PPAT: variants seen among roughly 807,000 people sequenced by gnomAD.
PPAT encodes phosphoribosyl pyrophosphate amidotransferase.
A neutral mutation model predicts 60.2 loss-of-function variants in PPAT; 20 were observed. The ratio of observed to expected loss-of-function variants is 0.33; its 90% CI spans 0.23 to 0.48. PPAT has a LOEUF of 0.48. Ranked by LOEUF, PPAT falls within the 20% of genes least tolerant of loss-of-function variation. PPAT has a pLI of 0.99. For synonymous variants in PPAT, 194 were observed against 215.1 expected (o/e 0.90, Z 0.86); for missense variants, 349 against 629.6 (o/e 0.55, Z 4.77).
intron 1 of PPAT, chr4:56,411,010 T>G: frequency 1.4e-6 from 1 of 705,338 alleles, no homozygotes. Context: ...ATGATAAATA[T>G]AGACTGAAAT....
At chr4:56,418,228 G>C (rs561294856) in intron 1 of PPAT, among the ~76,000 whole-genome samples, 3 of 152,244 alleles carry the variant, frequency 2.0e-5, no homozygotes, top group South Asian at 4.1e-4. Flanking sequence ...ACTTGAACCT[G>C]GGAGGTTCAG....
At position 56,403,124 on chromosome 4, in the gene PPAT, C is replaced by T. The variant is rs1438419282; in HGVS notation, c.577G>A (p.Val193Ile). ...TAAGGATCTCGTACTGCATAAATAACATCTCTGTGCATTATAAGCAGGGAG... is the reference window on the plus strand; with the variant it reads ...TAAGGATCTCGTACTGCATAAATAATATCTCTGTGCATTATAAGCAGGGAG... ...AYSLLIMHRD[V>I]IYAVRDPYGN... The change falls in exon 5 of 11, where the codon GTT becomes ATT. Residue 193 changes from valine to isoleucine, a missense_variant. By Grantham distance (29) the Val-to-Ile change is conservative. Coordinates refer to ENST00000264220, the MANE Select transcript of PPAT (RefSeq NM_002703.5). 2 of 1,612,100 alleles carry T rather than the reference C, an allele frequency of 1.2e-6. No individual in the cohort carries two copies. Among genetic ancestry groups the T allele is most frequent in the African/African-American group, 1.3e-5 (1 of 74,970 alleles).
At chr4:56,410,924 A>AG in intron 1 of PPAT, 2 of 901,338 alleles carry the variant, frequency 2.2e-6, no homozygotes, top group Non-Finnish European at 2.6e-6. Flanking sequence ...AAAAAAAAAA[A>AG]AAAAGAAAAG....
At chr4:56,416,925 CTG>C (rs1407063425) in intron 1 of PPAT, among the ~76,000 whole-genome samples, 1 of 152,208 alleles carries the variant, frequency 6.6e-6, no homozygotes, top group African/African-American at 2.4e-5. Flanking sequence ...TCCCAGCTCA[CTG>C]TAACCTCTGC....
intron 1 of PPAT, chr4:56,425,294 C>T (rs1213849404): frequency 6.1e-6 from 1 of 163,050 alleles, no homozygotes; most frequent in South Asian, 2.0e-4. Context: ...ATAATCTTAG[C>T]AGTAAAATTA....
intron 1 of PPAT, among the ~76,000 whole-genome samples, chr4:56,425,050 GC>G (rs1172762051): frequency 6.6e-6 from 1 of 152,062 alleles, no homozygotes; most frequent in Non-Finnish European, 1.5e-5. Context: ...CCCTAGAAAT[GC>G]CCATTTTTCT....
At chr4:56,433,991 T>C (rs1247236255) in intron 1 of PPAT, among the ~76,000 whole-genome samples, 1 of 152,140 alleles carries the variant, frequency 6.6e-6, no homozygotes, top group Non-Finnish European at 1.5e-5. Context: ...CGCCTGGCCA[T>C]AGTTTCTAAG....
At chr4:56,434,083 A>G (rs1201735385) in intron 1 of PPAT, among the ~76,000 whole-genome samples, 1 of 152,170 alleles carries the variant, frequency 6.6e-6, no homozygotes, top group Non-Finnish European at 1.5e-5. Flanking sequence ...TAATTTTCTC[A>G]ATAAACTTTT....
rs1715943101 is a variant in PPAT, at chr4:56,395,290, T to G, written c.*62A>C. 1 of 1,360,688 alleles carries G rather than the reference T, an allele frequency of 7.3e-7. No individual in the cohort carries two copies. The highest frequency in any genetic ancestry group is 1.0e-6 in the Non-Finnish European group (1 of 976,094). The allele number at this position is 1,360,688 out of a possible 1,614,324, so 84.3% of individuals were successfully genotyped here. ...TGAGTAACAGTAAATAGATGAGGTG[T>G]GACCACTATAACTTCTTGACCAACT... On this transcript the variant is annotated 3_prime_UTR_variant, in exon 11 of 11. Transcript: ENST00000264220.
chr4:56,396,674 T>G lies in PPAT; in HGVS notation c.1302A>C (p.Thr434=). Residue 434 remains threonine, a synonymous_variant, in exon 10 of 11, where the codon ACA becomes ACC. Transcript: ENST00000264220. The surrounding 1 kb of genome is among the most constrained non-coding windows in gnomAD (Gnocchi z 4.6). ...YPCFMGINIP[T]KEELIANKPE... is the part of the protein sequence containing the mutation. ...GTTTATTGGCAATGAGCTCTTCTTT[T>G]GTAGGAATGTTTATTCCCATGAAGC... 6.2e-7 allele frequency: 1 copy of G among 1,609,870 alleles called. No individual in the cohort carries two copies. Among genetic ancestry groups the G allele is most frequent in the Admixed American group, 1.7e-5 (1 of 59,992 alleles).
At position 56,394,022 on chromosome 4, in the gene PPAT, A is replaced by G. The variant is rs553282789; in HGVS notation, c.*1330T>C. The G allele has an allele frequency of 6.6e-6, 1 of 152,350 alleles. No homozygotes were observed. Among genetic ancestry groups the G allele is most frequent in the Non-Finnish European group, 1.5e-5 (1 of 68,030 alleles). 9.4% of individuals were successfully genotyped at this position (152,350 alleles called of 1,614,324 possible). ...ACAGTTTCAGTTATTAATAAATATT[A>G]AATTTCTAAATGGATCTGGACACTA... On this transcript the variant is annotated 3_prime_UTR_variant, in exon 11 of 11. Transcript: ENST00000264220.
intron 3 of PPAT, chr4:56,404,095 C>T (rs1258496464): frequency 2.5e-6 from 1 of 399,138 alleles, no homozygotes; most frequent in Non-Finnish European, 5.2e-6. Context: ...TAACGGATGA[C>T]CATGGCTGGA....
chr4:56,408,921 G>C (rs547720607), intron 1 of PPAT, among the ~76,000 whole-genome samples: 1 of 152,124 alleles, frequency 6.6e-6, no homozygotes, highest in Non-Finnish European at 1.5e-5. Flanking sequence ...CGCTAACCTT[G>C]TATAAAAAAT....
intron 1 of PPAT, chr4:56,408,035 T>C (rs779198223): frequency 4.1e-5 from 9 of 220,700 alleles, no homozygotes; most frequent in East Asian, 1.9e-4. Context: ...TTGAGAGAGA[T>C]ATGACTGTGA....
chr4:56,407,437 G>A (rs184281452), intron 2 of PPAT, among the ~76,000 whole-genome samples: 1 of 151,844 alleles, frequency 6.6e-6, no homozygotes, highest in East Asian at 1.9e-4. Context: ...TCTTACCTCA[G>A]CCTCCCAAGT....
At chr4:56,435,262 C>A (rs1717839576) in intron 1 of PPAT, 88 bp downstream of exon 1, 6 of 1,576,032 alleles carry the variant, frequency 3.8e-6, no homozygotes, top group Non-Finnish European at 5.2e-6. Context: ...CCTCCCGGGC[C>A]CTCGGGCGCT....
In PPAT at chr4:56,399,314, A is replaced by C. The variant is rs904983073; in HGVS notation, c.1101T>G (p.Leu367=). ...ATACTCCAAATTTTTTTGCAACACC[A>C]AGTTGTCTTAACCTCATGTTTGGCT... The part of the protein sequence containing the change: ...FIQPNMRLRQ[L]GVAKKFGVLS... Residue 367 remains leucine, a synonymous_variant, in exon 9 of 11, where the codon CTT becomes CTG. Coordinates refer to ENST00000264220, the MANE Select transcript of PPAT (RefSeq NM_002703.5). 10 of 1,613,886 alleles carry C rather than the reference A, an allele frequency of 6.2e-6. No homozygotes were observed. In the African/African-American group the frequency reaches 1.2e-4, roughly 19 times the overall value.
At chr4:56,422,574 C>T (rs778902195) in intron 1 of PPAT, 37 of 148,562 alleles carry the variant, frequency 2.5e-4, no homozygotes, top group Non-Finnish European at 4.4e-4. Context: ...GAACTGTGTT[C>T]CTCCCACCAA....
At chr4:56,435,310 T>G (rs747126936) in intron 1 of PPAT, 40 bp downstream of exon 1, 4 of 1,609,942 alleles carry the variant, frequency 2.5e-6, no homozygotes, top group Non-Finnish European at 3.4e-6. Context: ...CTCCGAGAGA[T>G]GGAGACGCAC....
Sources: gnomAD v4.1 joint callset for allele counts (sites outside exome capture counted in the v4.1 genomes callset) on GRCh38, gnomAD v4.1.1 for gene constraint, Gnocchi (gnomAD v3.1) non-coding constraint, MANE v1.5 for transcripts, NCBI Gene and HGNC (gene_info 2026-07-23, HGNC 2026-07-21) for gene names.